The following NFAT5 variants were observed in gnomAD, a reference collection of about 807,000 sequenced individuals.
NFAT5 encodes the protein nuclear factor of activated T cells 5.
NFAT5 carries 31 observed loss-of-function variants against 166.5 expected under a neutral mutation model. The observed-to-expected ratio is 0.19, with a 90% CI of 0.14 to 0.25. NFAT5 has a LOEUF of 0.25. Ranked by LOEUF, NFAT5 falls within the 10% of genes least tolerant of loss-of-function variation. The probability of loss-of-function intolerance (pLI) is 1.00; values close to 1 mark genes in which losing one functional copy is unlikely to be tolerated. For synonymous variants in NFAT5, 612 were observed against 639.7 expected, an observed-to-expected ratio of 0.96 and a Z score of 0.65; for missense variants, 1,449 against 1,821.8, an observed-to-expected ratio of 0.80 and a Z score of 3.72.
intron 6 of NFAT5, among the ~76,000 whole-genome samples, chr16:69,656,516 A>C (rs938371987): frequency 6.7e-5 from 10 of 148,952 alleles, no homozygotes; most frequent in Non-Finnish European, 1.5e-4. Flanking sequence ...CAGTGGTGCT[A>C]TCTCTGCTTA....
intron 2 of NFAT5, among the ~76,000 whole-genome samples, chr16:69,593,101 AT>A (rs1229260962): frequency 2.0e-5 from 3 of 152,180 alleles, no homozygotes; most frequent in African/African-American, 7.2e-5. Context: ...CGTGTTTTGA[AT>A]ATTTTATGTA....
At position 69,695,254 on chromosome 16, in the gene NFAT5, G is replaced by C. The variant is rs1306163777; in HGVS notation, c.4533G>C (p.Gln1511His). ...GQPPVTTLLS[Q>H]QMPENSPLAS... ...CACCTGTGACAACACTTCTTTCTCAGCAAATGCCAGAGAATTCTCCACTGG... is the reference window on the plus strand; with the variant it reads ...CACCTGTGACAACACTTCTTTCTCACCAAATGCCAGAGAATTCTCCACTGG... Residue 1511 changes from glutamine (Q) to histidine (H), a missense_variant, in exon 14 of 15, where the codon CAG becomes CAC. By Grantham distance (24) the Gln-to-His change is conservative. Around this residue, in one of 7 missense-constraint regions of NFAT5, gnomAD observed 891 missense variants for 993.0 expected, o/e 0.90. Transcript: ENST00000349945. 1 of 1,614,106 alleles carries C rather than the reference G, an allele frequency of 6.2e-7. No homozygotes were observed. The highest frequency in any genetic ancestry group is 1.1e-5 in the South Asian group (1 of 91,078).
chr16:69,566,916 TCCACTCCCTC>T lies in NFAT5; in HGVS notation c.73+545_73+554del, dbSNP rs2016088566. On this transcript the variant is annotated intron_variant, in intron 1 of 14. Coordinates refer to ENST00000349945, the MANE Select transcript of NFAT5 (RefSeq NM_138713.4). This position sits in a 1 kb window ranked among gnomAD's most constrained non-coding sequence, Gnocchi z 5.7. ...TCCACCCCCTCTCCCTCCGGCCTAG[TCCACTCCCTC>T]CCCATGTTGGGACAGCCCCCCTCGA... Among the ~76,000 whole-genome samples, 2 of 152,094 alleles carry T rather than the reference TCCACTCCCTC, an allele frequency of 1.3e-5. No homozygotes were observed. Among genetic ancestry groups the T allele is most frequent in the Non-Finnish European group, 2.9e-5 (2 of 67,980 alleles).
At chr16:69,655,522 A>G (rs2035841919) in intron 5 of NFAT5, 87 bp from the exon 6 acceptor site, 2 of 1,030,200 alleles carry the variant, frequency 1.9e-6, no homozygotes. Context: ...AGTTACAAGT[A>G]TAGGATTTGG....
chr16:69,603,216 A>G (rs1322192175), intron 2 of NFAT5, among the ~76,000 whole-genome samples: 2 of 152,076 alleles, frequency 1.3e-5, no homozygotes, highest in African/African-American at 4.8e-5. Context: ...AAATTTCTGA[A>G]TTTTTATGAT....
intron 7 of NFAT5, among the ~76,000 whole-genome samples, chr16:69,664,498 G>A (rs908206512): frequency 2.0e-5 from 3 of 152,106 alleles, no homozygotes; most frequent in African/African-American, 7.2e-5. Context: ...TGTTAGCCAG[G>A]ATGGTCTCAA....
chr16:69,573,091 A>G (rs893931558), intron 2 of NFAT5, among the ~76,000 whole-genome samples: 1 of 152,156 alleles, frequency 6.6e-6, no homozygotes, highest in African/African-American at 2.4e-5. Context: ...TCCACCCTCC[A>G]TGGCTTCCCA....
Position 69,700,567 on chromosome 16 carries a change from C to T in NFAT5, c.*4216C>T, listed in dbSNP as rs1046062204. 3.3e-5 allele frequency: 5 copies of T among 152,280 alleles called. No homozygotes were observed. The highest frequency in any genetic ancestry group is 3.4e-3 in the Middle Eastern group (1 of 294). 9.4% of individuals were successfully genotyped at this position (152,280 alleles called of 1,614,324 possible). ...ATTTTCACCAGAAATAGTAATCTTA[C>T]AATTTTTCATTTTTCTGATGAAGAT... On this transcript the variant is annotated 3_prime_UTR_variant, in exon 15 of 15. Transcript: ENST00000349945.
At position 69,693,223 on chromosome 16, in the gene NFAT5, C is replaced by T; in HGVS notation, c.3398C>T (p.Pro1133Leu). The T allele has an allele frequency of 6.2e-7, 1 of 1,614,190 alleles. No homozygotes were observed. The highest frequency in any genetic ancestry group is 1.6e-4 in the Middle Eastern group (1 of 6,062). ...ACCTCCTCTGAACAAATGCAGCCTC[C>T]AATGTTTCACTCTCAAAGTACCATT... The part of the protein sequence containing the change: ...STTSSEQMQP[P>L]MFHSQSTIAV... Residue 1133 changes from proline to leucine, a missense_variant, in exon 13 of 15, where the codon CCA (proline) becomes CTA (leucine). By Grantham distance (98) the Pro-to-Leu change is moderately conservative. Transcript: ENST00000349945.
intron 2 of NFAT5, among the ~76,000 whole-genome samples, chr16:69,578,789 C>A (rs77802352): frequency 6.6e-6 from 1 of 151,954 alleles, no homozygotes; most frequent in African/African-American, 2.4e-5. Flanking sequence ...AATTAATTTT[C>A]CCAAATGTCA....
chr16:69,606,299 G>A (rs1300929082), intron 2 of NFAT5, among the ~76,000 whole-genome samples: 2 of 152,230 alleles, frequency 1.3e-5, no homozygotes, highest in Admixed American at 1.3e-4. Context: ...GGCACAGACA[G>A]CATAATATCA....
chr16:69,614,858 C>A (rs2033865340), intron 2 of NFAT5, among the ~76,000 whole-genome samples: 1 of 141,648 alleles, frequency 7.1e-6, no homozygotes. Context: ...GTTTCCTGGA[C>A]TTTTATGGTT....
chr16:69,662,119 G>T (rs2036171067), intron 7 of NFAT5, among the ~76,000 whole-genome samples: 1 of 152,062 alleles, frequency 6.6e-6, no homozygotes. Flanking sequence ...GTTATATAAA[G>T]ATACTATACT....
At chr16:69,613,067 C>T (rs1360624235) in intron 2 of NFAT5, among the ~76,000 whole-genome samples, 1 of 152,128 alleles carries the variant, frequency 6.6e-6, no homozygotes, top group Non-Finnish European at 1.5e-5. Context: ...TTCTCTATCA[C>T]AGGAAATGGC....
intron 4 of NFAT5, among the ~76,000 whole-genome samples, chr16:69,652,508 A>C (rs887955098): frequency 6.6e-6 from 1 of 152,110 alleles, no homozygotes; most frequent in Non-Finnish European, 1.5e-5. Context: ...GATTGTAAAA[A>C]TTTTTATTGA....
At chr16:69,651,367 T>G (rs1303800668) in intron 4 of NFAT5, among the ~76,000 whole-genome samples, 1 of 152,202 alleles carries the variant, frequency 6.6e-6, no homozygotes, top group Non-Finnish European at 1.5e-5. Context: ...TTTGCCTCTT[T>G]CCTAGCCAAG....
intron 2 of NFAT5, among the ~76,000 whole-genome samples, chr16:69,576,291 C>CAAAAAAAAAAAAAAAAAA (rs35557444): frequency 1.8e-5 from 1 of 55,282 alleles, no homozygotes; most frequent in African/African-American, 6.3e-5. Context: ...GACTCGGTCT[C>CAAAAAAAAAAAAAAAAAA]AAAAAAAAAA....
chr16:69,649,588 A>C (rs541701485), intron 4 of NFAT5: 3 of 971,708 alleles, frequency 3.1e-6, no homozygotes, highest in East Asian at 1.1e-4. Context: ...AATATTTGAA[A>C]CTAGTATATG....
intron 7 of NFAT5, among the ~76,000 whole-genome samples, chr16:69,661,115 A>G (rs1265340350): frequency 7.5e-6 from 1 of 133,488 alleles, no homozygotes; most frequent in Non-Finnish European, 1.5e-5. Context: ...ATTGTGGCTC[A>G]TGCCTGTAAT....
Sources: gnomAD v4.1 joint callset for allele counts (sites outside exome capture counted in the v4.1 genomes callset) on GRCh38, gnomAD v4.1.1 for gene constraint, gnomAD v4.1.1 regional missense constraint, Gnocchi (gnomAD v3.1) non-coding constraint, MANE v1.5 for transcripts, NCBI Gene and HGNC (gene_info 2026-07-23, HGNC 2026-07-21) for gene names.